The following TRIO variants were observed in gnomAD, a reference collection of about 807,000 sequenced individuals.
TRIO encodes triple functional domain protein.
TRIO carries 58 observed loss-of-function variants against 351.9 expected under a neutral mutation model. The ratio of observed to expected loss-of-function variants is 0.16; its 90% CI spans 0.13 to 0.21. The LOEUF is 0.21. Ranked by LOEUF, TRIO falls within the 10% of genes least tolerant of loss-of-function variation. The pLI, the probability that TRIO is intolerant of heterozygous loss-of-function variation, is 1.00. For missense variants in TRIO, 3,201 were observed against 4,027.8 expected (o/e 0.79, Z 5.56); for synonymous variants, 1,758 against 1,595.7 (o/e 1.10, Z -2.42).
intron 7 of TRIO, among the ~76,000 whole-genome samples, chr5:14,303,860 G>C (rs1381367753): frequency 6.6e-6 from 1 of 152,164 alleles, no homozygotes; most frequent in African/African-American, 2.4e-5. Flanking sequence ...AGAAGTTCAG[G>C]CCCCTTTTTC....
intron 1 of TRIO, among the ~76,000 whole-genome samples, chr5:14,269,710 TTGC>T (rs1561273884): frequency 6.6e-6 from 1 of 151,062 alleles, no homozygotes; most frequent in Non-Finnish European, 1.5e-5. Context: ...TGCCCGGGAG[TTGC>T]TGCTCAGGAC....
At chr5:14,439,360 C>G (rs557258276) in intron 34 of TRIO, among the ~76,000 whole-genome samples, 1 of 152,208 alleles carries the variant, frequency 6.6e-6, no homozygotes, top group Non-Finnish European at 1.5e-5. Context: ...ATTTCCCATA[C>G]ATCTTTAGCC....
chr5:14,480,871 G>A (rs2126603390), intron 43 of TRIO, among the ~76,000 whole-genome samples: 1 of 152,280 alleles, frequency 6.6e-6, no homozygotes, highest in Non-Finnish European at 1.5e-5. Context: ...CAGGAGGATA[G>A]CTTGAGGCCA....
chr5:14,334,350 G>C (rs149634263), intron 10 of TRIO, among the ~76,000 whole-genome samples: 2 of 152,322 alleles, frequency 1.3e-5, no homozygotes, highest in East Asian at 3.9e-4. Flanking sequence ...GGCACCTTTT[G>C]TGCTGTCTCA....
At chr5:14,489,125 A>G (rs988250948) in intron 48 of TRIO, 20 of 730,098 alleles carry the variant, frequency 2.7e-5, no homozygotes, top group Admixed American at 2.4e-4. Context: ...ATAAATTTTT[A>G]AATACATTTC....
intron 1 of TRIO, among the ~76,000 whole-genome samples, chr5:14,222,102 ACT>A (rs1792670618): frequency 6.9e-6 from 1 of 145,132 alleles, no homozygotes; most frequent in South Asian, 2.2e-4. Flanking sequence ...AAAGATTACG[ACT>A]CTCTGAAGGC....
chr5:14,507,797 C>T lies in TRIO; in HGVS notation c.8752-83C>T. The T allele has an allele frequency of 2.7e-6, 4 of 1,503,502 alleles. No individual in the cohort carries two copies. In the South Asian group the frequency reaches 4.0e-5, roughly 15 times the overall value. The allele number at this position is 1,503,502 out of a possible 1,614,324, so 93.1% of individuals were successfully genotyped here. A position where few individuals can be genotyped will look rare whatever the true frequency, so the allele number is the denominator to read the frequency against. ...TAGTTGACATCCTAGATTCCTTCCA[C>T]CTCACCATAGAGTCCCGCCCATCAT... is the stretch of plus-strand genomic sequence containing the variant. On this transcript the variant is annotated intron_variant, in intron 56 of 56. Transcript: ENST00000344204.
intron 1 of TRIO, among the ~76,000 whole-genome samples, chr5:14,230,579 A>C (rs1301075339): frequency 6.6e-6 from 1 of 152,088 alleles, no homozygotes; most frequent in Non-Finnish European, 1.5e-5. Flanking sequence ...AAAGCAGCTG[A>C]ACTCTCTCCT....
At position 14,421,703 on chromosome 5, in the gene TRIO, C is replaced by T. The variant is rs56402929; in HGVS notation, c.5203+1682C>T. On this transcript the variant is annotated intron_variant, in intron 34 of 56. Coordinates refer to ENST00000344204, the MANE Select transcript of TRIO (RefSeq NM_007118.4). ...TCAGAAGTAACATGGAAACGGAGGG[C>T]GTCTTCAACCACAAGGATAGGAAGC... Among the ~76,000 whole-genome samples the T allele has an allele frequency of 6.7e-3, 1,019 of 151,800 alleles. 7 individuals carry two copies. The highest frequency in any genetic ancestry group is 0.023 in the African/African-American group (965 of 41,326).
intron 34 of TRIO, among the ~76,000 whole-genome samples, chr5:14,436,482 C>A (rs1751597502): frequency 6.6e-6 from 1 of 152,164 alleles, no homozygotes; most frequent in Admixed American, 6.5e-5. Flanking sequence ...CATCACCTTT[C>A]AAAAGCAATC....
chr5:14,242,034 T>C (rs1055254009), intron 1 of TRIO, among the ~76,000 whole-genome samples: 4 of 152,268 alleles, frequency 2.6e-5, no homozygotes, highest in Admixed American at 6.5e-5. Context: ...CTCTTGCCTG[T>C]ATCAACTCTC....
chr5:14,172,074 C>T (rs191801149), intron 1 of TRIO, among the ~76,000 whole-genome samples: 9 of 152,278 alleles, frequency 5.9e-5, no homozygotes, highest in Non-Finnish European at 7.4e-5. Flanking sequence ...TAACTTTTTG[C>T]CAATCTGTTC....
chr5:14,378,215 A>C, intron 20 of TRIO, 88 bp downstream of exon 20: 3 of 1,032,610 alleles, frequency 2.9e-6, no homozygotes, highest in Non-Finnish European at 4.3e-6. Flanking sequence ...CATTTCCGCC[A>C]TCTTGAAAAC....
At chr5:14,320,621 C>G (rs897833276) in intron 9 of TRIO, among the ~76,000 whole-genome samples, 1 of 152,150 alleles carries the variant, frequency 6.6e-6, no homozygotes, top group Non-Finnish European at 1.5e-5. Context: ...TCAGGCAAAC[C>G]TAGTCCACTC....
chr5:14,349,632 C>T (rs1742851592), intron 11 of TRIO, among the ~76,000 whole-genome samples: 2 of 152,232 alleles, frequency 1.3e-5, no homozygotes, highest in South Asian at 4.1e-4. Context: ...GAAGCCAATC[C>T]TGTTTTCTAT....
chr5:14,502,537 T>C, intron 53 of TRIO, 42 bp from the exon 54 acceptor site: 1 of 1,608,488 alleles, frequency 6.2e-7, no homozygotes, highest in South Asian at 1.1e-5. Flanking sequence ...CCCAAGAAGC[T>C]CCACGGGAAA....
intron 34 of TRIO, among the ~76,000 whole-genome samples, chr5:14,433,903 A>G (rs1397672212): frequency 6.6e-6 from 1 of 152,234 alleles, no homozygotes; most frequent in Non-Finnish European, 1.5e-5. Context: ...AAGCATCATA[A>G]TTTCAATAGA....
intron 9 of TRIO, among the ~76,000 whole-genome samples, chr5:14,323,458 A>G (rs535430623): frequency 6.6e-6 from 1 of 152,320 alleles, no homozygotes; most frequent in East Asian, 1.9e-4. Context: ...AGTCACAGGG[A>G]ACAGGCTTTC....
At position 14,481,777 on chromosome 5, in the gene TRIO, T is replaced by C. The variant is rs998560463; in HGVS notation, c.6465+159T>C. ...CTGATTGATATTTTATTTCCTTTTT[T>C]TTTTTTTTTTTTTTTTTGGTGCGTT... On this transcript the variant is annotated intron_variant, in intron 45 of 56. Transcript: ENST00000344204. The C allele has an allele frequency of 6.3e-5, 36 of 575,932 alleles. No individual in the cohort carries two copies. In the Admixed American group the frequency reaches 1.1e-3, roughly 17 times the overall value. The allele number at this position is 575,932 out of a possible 1,614,324, so 35.7% of individuals were successfully genotyped here.
Sources: allele counts gnomAD v4.1 joint callset (sites outside exome capture counted in the v4.1 genomes callset), GRCh38; gene constraint gnomAD v4.1.1; transcripts MANE v1.5; gene names NCBI Gene and HGNC (gene_info 2026-07-23, HGNC 2026-07-21).